Variants in GRSF1 observed in about 807,000 individuals in gnomAD.
GRSF1 encodes G-rich sequence factor 1.
GRSF1 carries 50 observed loss-of-function variants against 51.1 expected under a neutral mutation model. The ratio of observed to expected loss-of-function variants is 0.98; its 90% CI spans 0.78 to 1.24. GRSF1 has a LOEUF of 1.24. Ranked by LOEUF, GRSF1 falls within the 50% of genes most tolerant of loss-of-function variation. The probability of loss-of-function intolerance (pLI) is 0.00; values close to 1 mark genes in which losing one functional copy is unlikely to be tolerated. For synonymous variants in GRSF1, 293 were observed against 253.3 expected, an observed-to-expected ratio of 1.16 and a Z score of -1.49; for missense variants, 700 against 639.7, an observed-to-expected ratio of 1.09 and a Z score of -1.02.
chr4:70,831,825 A>C (rs1413082292), intron 4 of GRSF1, among the ~76,000 whole-genome samples, 151 bp from the exon 5 acceptor site: 2 of 152,156 alleles, frequency 1.3e-5, no homozygotes, highest in African/African-American at 4.8e-5. Flanking sequence ...TATGCAGTCA[A>C]AAGTCAGTCA....
intron 3 of GRSF1, among the ~76,000 whole-genome samples, chr4:70,832,802 G>A (rs112511337): frequency 9.9e-4 from 151 of 152,256 alleles, no homozygotes; most frequent in African/African-American, 3.6e-3. Flanking sequence ...ACAAAAATTA[G>A]CTGGGTATCA....
chr4:70,825,555 A>G (rs1410112734), intron 7 of GRSF1, 124 bp from the exon 8 acceptor site: 1 of 650,082 alleles, frequency 1.5e-6, no homozygotes, highest in Non-Finnish European at 2.5e-6. Flanking sequence ...TTTTTAGGAA[A>G]TCTTTTTAAG....
rs895350960 is a variant in GRSF1 at position 70,817,261 on chromosome 4, G to A, written c.*3626C>T. The A allele has an allele frequency of 5.3e-5, 8 of 151,726 alleles. No homozygotes were observed. Among genetic ancestry groups the A allele is most frequent in the Non-Finnish European group, 1.0e-4 (7 of 68,012 alleles). The allele number at this position is 151,726 out of a possible 1,614,324, so 9.4% of individuals were successfully genotyped here. A position where few individuals can be genotyped will look rare whatever the true frequency, so the allele number is the denominator to read the frequency against. On this transcript the variant is annotated 3_prime_UTR_variant, in exon 10 of 10. Transcript: ENST00000254799. ...GGGTCTCACTCTGTCACTCAGGCTG[G>A]AGTGCAGCAACAGTCATGGCTCACT...
chr4:70,839,304 TC>T, intron 1 of GRSF1, 166 bp downstream of exon 1: 1 of 1,500,676 alleles, frequency 6.7e-7, no homozygotes, highest in Non-Finnish European at 8.9e-7. Context: ...CTTCCCTTGT[TC>T]CAGGGCCCAA....
intron 5 of GRSF1, among the ~76,000 whole-genome samples, chr4:70,831,208 A>C (rs1250258994): frequency 1.3e-5 from 2 of 152,112 alleles, no homozygotes; most frequent in African/African-American, 4.8e-5. Context: ...ATACAAAAAA[A>C]GCCGGGCATG....
chr4:70,841,305 A>G (rs1432539873), upstream of GRSF1, among the ~76,000 whole-genome samples: 2 of 152,126 alleles, frequency 1.3e-5, no homozygotes, highest in African/African-American at 2.4e-5. Flanking sequence ...AAGAAAACAT[A>G]TATATTTATT....
intron 1 of GRSF1, 42 bp downstream of exon 1, chr4:70,839,429 C>G: frequency 2.7e-6 from 4 of 1,475,008 alleles, no homozygotes; most frequent in Non-Finnish European, 3.6e-6. Flanking sequence ...GCACGCGGCC[C>G]GGGAGGGATC....
chr4:70,839,755 T>G lies in GRSF1; in HGVS notation c.73A>C (p.Thr25Pro). ...CGCNCSSCRR[T>P]GAACLPFYSA... is the part of the protein sequence containing the mutation. ...TAGAAGGGCAGGCAGGCGGCGCCGG[T>G]GCGCCGGCAGCTGCTGCAGTTACAG... Residue 25 changes from threonine (T) to proline (P), a missense_variant, in exon 1 of 10, where the codon ACC (threonine) becomes CCC (proline). By Grantham distance (38) the Thr-to-Pro change is conservative (BLOSUM62 -1). Coordinates refer to ENST00000254799, the MANE Select transcript of GRSF1 (RefSeq NM_002092.4). 6.7e-7 allele frequency: 1 copy of G among 1,503,414 alleles called. No individual in the cohort carries two copies. 93.1% of individuals were successfully genotyped at this position (1,503,414 alleles called of 1,614,324 possible).
Position 70,817,328 on chromosome 4 carries a change from GC to G in GRSF1, c.*3558del, listed in dbSNP as rs998255830. The G allele has an allele frequency of 3.9e-5, 6 of 152,050 alleles. No individual in the cohort carries two copies. Among genetic ancestry groups the G allele is most frequent in the Non-Finnish European group, 5.9e-5 (4 of 68,098 alleles). 9.4% of individuals were successfully genotyped at this position (152,050 alleles called of 1,614,324 possible). A position where few individuals can be genotyped will look rare whatever the true frequency, so the allele number is the denominator to read the frequency against. ...AGGCTCAAGCAGTCCTCCCACTTCA[GC>G]CTCACAAAGTGCGGGGATTACAGAT... On this transcript the variant is annotated 3_prime_UTR_variant, in exon 10 of 10. Coordinates refer to ENST00000254799, the MANE Select transcript of GRSF1 (RefSeq NM_002092.4).
chr4:70,830,387 G>A (rs1733911263), intron 5 of GRSF1, among the ~76,000 whole-genome samples: 1 of 151,022 alleles, frequency 6.6e-6, no homozygotes, highest in Non-Finnish European at 1.5e-5. Context: ...CAAGGCTGTA[G>A]TGAGCTATCA....
In GRSF1 at chr4:70,827,844, G is replaced by T; in HGVS notation, c.1135+8C>A. 1 of 1,594,180 alleles carries T rather than the reference G, an allele frequency of 6.3e-7. No homozygotes were observed. The highest frequency in any genetic ancestry group is 1.1e-5 in the South Asian group (1 of 89,562). On this transcript the variant is annotated splice_region_variant and intron_variant, in intron 6 of 9. Transcript: ENST00000254799. ...CCCAATGAGTCTCAAGAAGAGGCAG[G>T]ACCTTACCTATTTCCTTCTCACTTT...
intron 9 of GRSF1, among the ~76,000 whole-genome samples, chr4:70,823,947 G>A (rs539494317): frequency 6.9e-6 from 1 of 144,582 alleles, no homozygotes; most frequent in African/African-American, 2.5e-5. Context: ...TTTATCAATA[G>A]CAAATAATTT....
intron 1 of GRSF1, chr4:70,839,241 C>G (rs1261455175): frequency 1.4e-6 from 2 of 1,469,740 alleles, no homozygotes; most frequent in Non-Finnish European, 1.8e-6. Flanking sequence ...GCCCAACCGA[C>G]CAGAGACTCG....
In GRSF1 at chr4:70,839,653, CG is replaced by C; in HGVS notation, c.174del (p.Ala59LeufsTer84). The C allele has an allele frequency of 2.2e-6, 3 of 1,394,680 alleles. No homozygotes were observed. The highest frequency in any genetic ancestry group is 2.8e-6 in the Non-Finnish European group (3 of 1,087,516). The allele number at this position is 1,394,680 out of a possible 1,614,324, so 86.4% of individuals were successfully genotyped here. On this transcript the variant is annotated frameshift_variant, in exon 1 of 10. Coordinates refer to ENST00000254799, the MANE Select transcript of GRSF1 (RefSeq NM_002092.4). LOFTEE classifies it high-confidence loss of function. ...TGGAGGCCACGCGTCTGGGAGGCAG[CG>C]GCCGCGGCGGCCCCGAGCAGCAGCA... Reference protein sequence around the residue: ...RLLLLLGAAAAAASQTRGLQT... With the variant: ...RLLLLLGAAAXAASQTRGLQT...
rs1733293627 is a variant in GRSF1 at position 70,815,969 on chromosome 4, AG to A, written c.*4917del. The A allele has an allele frequency of 6.6e-6, 1 of 152,234 alleles. No individual in the cohort carries two copies. The highest frequency in any genetic ancestry group is 6.5e-5 in the Admixed American group (1 of 15,280). The allele number at this position is 152,234 out of a possible 1,614,324, so 9.4% of individuals were successfully genotyped here. On this transcript the variant is annotated 3_prime_UTR_variant, in exon 10 of 10. Coordinates refer to ENST00000254799, the MANE Select transcript of GRSF1 (RefSeq NM_002092.4). ...TGAACATACAAACATGCTGAGTAAAAGGAACTTACAGAATACATACTGCATA... is the reference window on the plus strand; with the variant it reads ...TGAACATACAAACATGCTGAGTAAAAGAACTTACAGAATACATACTGCATA...
chr4:70,833,042 A>T (rs1429809123), intron 3 of GRSF1, 76 bp downstream of exon 3: 3 of 1,251,436 alleles, frequency 2.4e-6, no homozygotes, highest in Non-Finnish European at 3.4e-6. Flanking sequence ...ATTATTAAGG[A>T]TCAAATAAAA....
In GRSF1 at chr4:70,831,532, T is replaced by TA. The variant is rs755875786; in HGVS notation, c.950+6dup. 3 of 1,612,648 alleles carry TA rather than the reference T, an allele frequency of 1.9e-6. No individual in the cohort carries two copies. The Admixed American group carries it at 5.0e-5, about 27-fold the overall frequency. ...ACTTCTGCATCATTAGTATCTGCTT[T>TA]ACTCACCGATTACCAATTTCTTCCC... On this transcript the variant is annotated splice_region_variant and intron_variant, in intron 5 of 9. Coordinates refer to ENST00000254799, the MANE Select transcript of GRSF1 (RefSeq NM_002092.4).
intron 9 of GRSF1, among the ~76,000 whole-genome samples, 167 bp from the exon 10 acceptor site, chr4:70,821,028 T>C (rs930325120): frequency 6.6e-6 from 1 of 152,210 alleles, no homozygotes; most frequent in African/African-American, 2.4e-5. Flanking sequence ...GCATTAGTGT[T>C]TACAGGCTGG....
At chr4:70,825,494 G>A (rs761791649) in intron 7 of GRSF1, 63 bp from the exon 8 acceptor site, 7 of 1,354,434 alleles carry the variant, frequency 5.2e-6, no homozygotes, top group African/African-American at 1.4e-5. Context: ...TAGAAGTCTG[G>A]TGGCTCTTCA....
Sources: allele counts gnomAD v4.1 joint callset (sites outside exome capture counted in the v4.1 genomes callset), GRCh38; gene constraint gnomAD v4.1.1; transcripts MANE v1.5; gene names NCBI Gene and HGNC (gene_info 2026-07-23, HGNC 2026-07-21).